SHANK2: variants seen among roughly 807,000 people sequenced by gnomAD.
SHANK2 encodes the protein SH3 and multiple ankyrin repeat domains 2.
In SHANK2, 43 loss-of-function variants were observed where a neutral mutation model predicts 133.7. The observed-to-expected ratio is 0.32, with a 90% CI of 0.25 to 0.41. SHANK2 has a LOEUF of 0.41. Ranked by LOEUF, SHANK2 falls within the 10% of genes least tolerant of loss-of-function variation. SHANK2 has a pLI of 1.00. For missense variants in SHANK2, 1,994 were observed against 2,235.8 expected (o/e 0.89, Z 2.18); for synonymous variants, 1,017 against 952.8 (o/e 1.07, Z -1.24).
intron 14 of SHANK2, among the ~76,000 whole-genome samples, chr11:70,795,777 A>C (rs1364739413): frequency 6.6e-6 from 1 of 152,220 alleles, no homozygotes; most frequent in African/African-American, 2.4e-5. Context: ...CAATGGAAGA[A>C]GGACCCTACC....
At chr11:70,700,112 G>C (rs898795772) in intron 14 of SHANK2, among the ~76,000 whole-genome samples, 2 of 152,078 alleles carry the variant, frequency 1.3e-5, no homozygotes, top group East Asian at 3.9e-4. Flanking sequence ...TGACACAGTG[G>C]CTAAGTCTTT....
At chr11:70,609,359 C>T (rs568707495) in intron 17 of SHANK2, among the ~76,000 whole-genome samples, 2 of 152,162 alleles carry the variant, frequency 1.3e-5, no homozygotes, top group South Asian at 4.1e-4. Context: ...TTAGAGACCC[C>T]CAGAAAGATG....
In SHANK2 at chr11:71,069,937, T is replaced by A. The variant is rs1428207667; in HGVS notation, c.1029+5222A>T. Among the ~76,000 whole-genome samples, 3 of 152,234 alleles carry A rather than the reference T, an allele frequency of 2.0e-5. No individual in the cohort carries two copies. In the East Asian group the frequency reaches 5.8e-4, roughly 29 times the overall value. On this transcript the variant is annotated intron_variant, in intron 9 of 25. Coordinates refer to ENST00000601538, the MANE Select transcript of SHANK2 (RefSeq NM_012309.5). ...TTCTGCTTAAAGTTGCTAGAGTGGTTTCTGCCCCCTGCATGAGTGCCTGCT... is the reference window on the plus strand; with the variant it reads ...TTCTGCTTAAAGTTGCTAGAGTGGTATCTGCCCCCTGCATGAGTGCCTGCT...
Position 70,831,161 on chromosome 11 carries a change from ACCTG to A in SHANK2, c.1175-10483_1175-10480del, listed in dbSNP as rs1948718681. On this transcript the variant is annotated intron_variant, in intron 11 of 25. Coordinates refer to ENST00000601538, the MANE Select transcript of SHANK2 (RefSeq NM_012309.5). ...TGAGTGGTTGGTGATGAAGCTATCCACCTGCCTGCCTGCCCGCACACCCACCCGT... is the reference window on the plus strand; with the variant it reads ...TGAGTGGTTGGTGATGAAGCTATCCACCTGCCTGCCCGCACACCCACCCGT... Among the ~76,000 whole-genome samples, 3 of 152,126 alleles carry A rather than the reference ACCTG, an allele frequency of 2.0e-5. No individual in the cohort carries two copies. The South Asian group carries it at 6.2e-4, about 32-fold the overall frequency.
chr11:70,906,332 C>T (rs1357033119), intron 10 of SHANK2, among the ~76,000 whole-genome samples: 1 of 152,176 alleles, frequency 6.6e-6, no homozygotes, highest in Non-Finnish European at 1.5e-5. Context: ...GGCCAGGGCC[C>T]TGGAGAGGCT....
chr11:70,679,428 G>C (rs1272497178), intron 15 of SHANK2, among the ~76,000 whole-genome samples: 1 of 152,236 alleles, frequency 6.6e-6, no homozygotes, highest in African/African-American at 2.4e-5. Flanking sequence ...CCATCAGGGA[G>C]GTGGGAGATC....
At chr11:71,146,514 C>T (rs1555106720) in intron 3 of SHANK2, among the ~76,000 whole-genome samples, 1 of 152,252 alleles carries the variant, frequency 6.6e-6, no homozygotes, top group African/African-American at 2.4e-5. Flanking sequence ...GGCATAAGGA[C>T]AGACATCCAG....
chr11:70,703,016 A>C (rs909525862), intron 14 of SHANK2, among the ~76,000 whole-genome samples: 14 of 152,254 alleles, frequency 9.2e-5, no homozygotes, highest in African/African-American at 3.4e-4. Context: ...TCGTGGTCAT[A>C]CATTAGATTA....
intron 11 of SHANK2, among the ~76,000 whole-genome samples, chr11:70,879,136 T>C (rs939469131): frequency 4.2e-4 from 64 of 152,168 alleles, no homozygotes; most frequent in Non-Finnish European, 1.6e-4. Context: ...CCACGGAGAA[T>C]TGGGGACCAG....
chr11:70,864,277 A>C (rs1365398153), intron 11 of SHANK2: 1 of 166,534 alleles, frequency 6.0e-6, no homozygotes, highest in African/African-American at 2.4e-5. Flanking sequence ...GGGAAAAAGG[A>C]AAGAAAAATT....
intron 6 of SHANK2, among the ~76,000 whole-genome samples, chr11:71,096,747 C>T (rs886985678): frequency 1.9e-4 from 29 of 152,314 alleles, no homozygotes; most frequent in Admixed American, 7.8e-4. Context: ...TGACTGTTCC[C>T]TTTTGCCCAA....
At chr11:70,702,583 ATCT>A (rs1381506285) in intron 14 of SHANK2, among the ~76,000 whole-genome samples, 2 of 152,328 alleles carry the variant, frequency 1.3e-5, no homozygotes, top group East Asian at 1.9e-4. Flanking sequence ...CGCCACAATC[ATCT>A]TCTTCACCAT....
intron 6 of SHANK2, among the ~76,000 whole-genome samples, chr11:71,108,951 T>C (rs1951844923): frequency 6.6e-6 from 1 of 152,110 alleles, no homozygotes; most frequent in African/African-American, 2.4e-5. Context: ...CCCCCCAGCG[T>C]TCAGAGGTCG....
At chr11:70,689,064 G>A (rs1235419041) in intron 15 of SHANK2, among the ~76,000 whole-genome samples, 7 of 152,328 alleles carry the variant, frequency 4.6e-5, no homozygotes, top group East Asian at 3.9e-4. Context: ...GAGCTCTGCC[G>A]TGAGAGCAGT....
In SHANK2 at chr11:70,622,959, C is replaced by G. The variant is rs547635507; in HGVS notation, c.2061+36869G>C. ...TGGGAGGCCGAGGCGGGTGGATCAC[C>G]TGAGGTCAGGAGTTTGAGACCAGCC... On this transcript the variant is annotated intron_variant, in intron 17 of 25. Transcript: ENST00000601538. Among the ~76,000 whole-genome samples the G allele has an allele frequency of 6.9e-4, 105 of 152,078 alleles. 1 individual carries two copies. The South Asian group carries it at 0.021, about 30-fold the overall frequency.
chr11:71,241,777 C>A (rs1490841850), intron 1 of SHANK2, among the ~76,000 whole-genome samples: 1 of 152,218 alleles, frequency 6.6e-6, no homozygotes, highest in African/African-American at 2.4e-5. Context: ...TCCTGAGACC[C>A]ATGAAGAAAG....
intron 2 of SHANK2, among the ~76,000 whole-genome samples, chr11:71,155,169 A>C (rs1371852839): frequency 6.0e-5 from 4 of 67,040 alleles, no homozygotes; most frequent in South Asian, 6.2e-4. Flanking sequence ...GACCTACCCC[A>C]GCCCAAGCTC....
At chr11:71,215,882 T>C (rs935514435) in intron 2 of SHANK2, among the ~76,000 whole-genome samples, 8 of 152,300 alleles carry the variant, frequency 5.3e-5, no homozygotes, top group Non-Finnish European at 1.0e-4. Context: ...CTTGGGCACA[T>C]TGCTGATGCT....
chr11:70,650,909 C>T (rs183391404), intron 17 of SHANK2, among the ~76,000 whole-genome samples: 1 of 152,346 alleles, frequency 6.6e-6, no homozygotes, highest in East Asian at 1.9e-4. Flanking sequence ...AGAATGTATG[C>T]TTCAGAAATG....
Sources: gnomAD v4.1 joint callset for allele counts (sites outside exome capture counted in the v4.1 genomes callset) on GRCh38, gnomAD v4.1.1 for gene constraint, MANE v1.5 for transcripts, NCBI Gene and HGNC (gene_info 2026-07-23, HGNC 2026-07-21) for gene names.